The following ERC1 variants were observed in gnomAD, a reference collection of about 807,000 sequenced individuals.
ERC1 encodes the protein RAB6 interacting protein 2.
In ERC1, 56 loss-of-function variants were observed where a neutral mutation model predicts 132.0. The ratio of observed to expected loss-of-function variants is 0.42; its 90% confidence interval spans 0.34 to 0.53. The LOEUF (loss-of-function observed/expected upper bound fraction) is 0.53, where lower values mean the gene tolerates loss of function less well. Among genes scored for constraint, ERC1 ranks in the 20% least tolerant of loss-of-function variants. The pLI is 0.03. For synonymous variants in ERC1, 478 were observed against 476.1 expected, an observed-to-expected ratio of 1.00 and a Z score of -0.05; for missense variants, 1,202 against 1,349.9, an observed-to-expected ratio of 0.89 and a Z score of 1.72.
At chr12:1,092,195 C>T (rs1279929560) in intron 3 of ERC1, among the ~76,000 whole-genome samples, 2 of 152,090 alleles carry the variant, frequency 1.3e-5, no homozygotes, top group Non-Finnish European at 2.9e-5. Context: ...GACGAGGTTT[C>T]ACCATGTTGG....
At chr12:1,347,783 G>A (rs935303745) in intron 15 of ERC1, among the ~76,000 whole-genome samples, 1 of 152,148 alleles carries the variant, frequency 6.6e-6, no homozygotes, top group East Asian at 1.9e-4. Context: ...AGGAGTTTAA[G>A]ACCAGCCTGG....
At chr12:1,048,045 G>A (rs1325563299) in intron 2 of ERC1, among the ~76,000 whole-genome samples, 1 of 152,180 alleles carries the variant, frequency 6.6e-6, no homozygotes, top group African/African-American at 2.4e-5. Context: ...TGGGCAAAAT[G>A]TTCTCAGGCT....
intron 14 of ERC1, among the ~76,000 whole-genome samples, chr12:1,270,593 GATA>G (rs2077768879): frequency 6.6e-6 from 1 of 151,872 alleles, no homozygotes; most frequent in Admixed American, 6.6e-5. Context: ...ATCTCATTAA[GATA>G]ATATGTTTAA....
chr12:1,127,747 A>G (rs1457465265), intron 7 of ERC1, among the ~76,000 whole-genome samples: 1 of 152,228 alleles, frequency 6.6e-6, no homozygotes, highest in Non-Finnish European at 1.5e-5. Context: ...AACATATTAA[A>G]ACATATTAGA....
At chr12:1,043,146 C>T (rs1970545326) in intron 2 of ERC1, among the ~76,000 whole-genome samples, 2 of 151,228 alleles carry the variant, frequency 1.3e-5, no homozygotes, top group Admixed American at 6.6e-5. Flanking sequence ...CGGGTCTAAG[C>T]GATTCTCCTA....
At chr12:1,485,609 T>C (rs1337292692) in intron 18 of ERC1, among the ~76,000 whole-genome samples, 1 of 152,210 alleles carries the variant, frequency 6.6e-6, no homozygotes, top group East Asian at 1.9e-4. Flanking sequence ...TCTATTAGGT[T>C]ATAGGTTTTT....
chr12:1,154,445 G>A (rs1335901066), intron 8 of ERC1, among the ~76,000 whole-genome samples: 5 of 151,210 alleles, frequency 3.3e-5, no homozygotes, highest in Admixed American at 6.6e-5. Context: ...TCTAAGACCC[G>A]AAACCATAAA....
At position 1,371,914 on chromosome 12, in the gene ERC1, C is replaced by G. The variant is rs757544869; in HGVS notation, c.2862C>G (p.Thr954=). 2 of 1,614,032 alleles carry G rather than the reference C, an allele frequency of 1.2e-6. No homozygotes were observed. Among genetic ancestry groups the G allele is most frequent in the South Asian group, 2.2e-5 (2 of 91,068 alleles). The change falls in exon 16 of 19, where the codon ACC becomes ACG. Residue 954 remains threonine (T), a synonymous_variant. Coordinates refer to ENST00000360905, the MANE Select transcript of ERC1 (RefSeq NM_178040.4). ...LLELSSSKKK[T]QEEVAALKRE... ...AGCTTTCGTCCTCTAAGAAGAAGAC[C>G]CAAGAGGAAGTGGCTGCCCTGAAGC...
At chr12:1,076,671 GC>G (rs1311405615) in intron 2 of ERC1, among the ~76,000 whole-genome samples, 1 of 152,092 alleles carries the variant, frequency 6.6e-6, no homozygotes, top group Non-Finnish European at 1.5e-5. Flanking sequence ...GGGATTATAG[GC>G]ATGAGTGATT....
At chr12:1,178,398 A>G (rs1024632451) in intron 8 of ERC1, among the ~76,000 whole-genome samples, 2 of 152,208 alleles carry the variant, frequency 1.3e-5, no homozygotes, top group South Asian at 2.1e-4. Flanking sequence ...GGTACAAAAC[A>G]GCTGGAGGGG....
At chr12:1,123,906 G>T (rs1298493296) in intron 7 of ERC1, among the ~76,000 whole-genome samples, 1 of 152,248 alleles carries the variant, frequency 6.6e-6, no homozygotes, top group Non-Finnish European at 1.5e-5. Flanking sequence ...TGAGGCAGGA[G>T]AATTGCTTGA....
At chr12:1,381,909 AGGAG>A (rs1035605932) in intron 16 of ERC1, among the ~76,000 whole-genome samples, 9 of 151,018 alleles carry the variant, frequency 6.0e-5, no homozygotes, top group African/African-American at 2.2e-4. Flanking sequence ...ATGAGAAGAA[AGGAG>A]GGAGGGAGGG....
chr12:1,442,592 G>A (rs781437984), intron 17 of ERC1, among the ~76,000 whole-genome samples: 25 of 152,156 alleles, frequency 1.6e-4, no homozygotes, highest in Non-Finnish European at 2.9e-4. Flanking sequence ...ATACTGTATA[G>A]GCCTAAACTG....
At chr12:1,192,674 T>G (rs1955853021) in intron 12 of ERC1, among the ~76,000 whole-genome samples, 1 of 151,764 alleles carries the variant, frequency 6.6e-6, no homozygotes, top group Non-Finnish European at 1.5e-5. Flanking sequence ...CATCAGGGGG[T>G]TTTGTTTGGG....
chr12:1,400,916 A>ATTATT (rs2090981093), intron 16 of ERC1, among the ~76,000 whole-genome samples: 5 of 15,040 alleles, frequency 3.3e-4, no homozygotes, highest in African/African-American at 1.5e-3. Flanking sequence ...CTATTTTTGT[A>ATTATT]TTTTTTTTTT....
chr12:1,009,499 G>A (rs539467471), intron 1 of ERC1, among the ~76,000 whole-genome samples: 1 of 152,248 alleles, frequency 6.6e-6, no homozygotes, highest in East Asian at 1.9e-4. Context: ...GAGTTTGATA[G>A]AGCTGTGTGA....
intron 1 of ERC1, among the ~76,000 whole-genome samples, chr12:1,027,204 T>TA (rs1967036319): frequency 6.6e-6 from 1 of 152,366 alleles, no homozygotes; most frequent in Admixed American, 6.5e-5. Context: ...TTCTAGTTGT[T>TA]ACTACTGATG....
At chr12:1,320,410 T>C (rs1160255815) in intron 15 of ERC1, among the ~76,000 whole-genome samples, 1 of 152,212 alleles carries the variant, frequency 6.6e-6, no homozygotes, top group Non-Finnish European at 1.5e-5. Flanking sequence ...CTTTTATATT[T>C]GAGATATCTT....
At chr12:1,053,454 C>T (rs1465351549) in intron 2 of ERC1, among the ~76,000 whole-genome samples, 1 of 152,112 alleles carries the variant, frequency 6.6e-6, no homozygotes, top group African/African-American at 2.4e-5. Flanking sequence ...ATTTTTTCAT[C>T]GTGGAGCTAA....
Sources: gnomAD v4.1 joint callset for allele counts (sites outside exome capture counted in the v4.1 genomes callset) on GRCh38, gnomAD v4.1.1 for gene constraint, MANE v1.5 for transcripts, NCBI Gene and HGNC (gene_info 2026-07-23, HGNC 2026-07-21) for gene names.